Variants in C4BPA observed in about 807,000 individuals in gnomAD.
The protein encoded by C4BPA is complement component 4 binding protein alpha.
A neutral mutation model predicts 63.7 loss-of-function variants in C4BPA; 31 were observed. The observed-to-expected ratio is 0.49, with a 90% CI of 0.37 to 0.66. The LOEUF (loss-of-function observed/expected upper bound fraction) is 0.66, where lower values mean the gene tolerates loss of function less well. C4BPA is among the 30% of genes least tolerant of loss of function. The pLI, the probability that C4BPA is intolerant of heterozygous loss-of-function variation, is 0.00. For synonymous variants in C4BPA, 259 were observed against 254.7 expected, an observed-to-expected ratio of 1.02 and a Z score of -0.16; for missense variants, 572 against 723.3, an observed-to-expected ratio of 0.79 and a Z score of 2.40.
At chr1:207,113,758 T>G (rs1357451735) in intron 2 of C4BPA, among the ~76,000 whole-genome samples, 1 of 152,240 alleles carries the variant, frequency 6.6e-6, no homozygotes, top group Non-Finnish European at 1.5e-5. Context: ...TTTGCACAGA[T>G]GCATTTGAGT....
intron 10 of C4BPA, among the ~76,000 whole-genome samples, chr1:207,143,142 A>G (rs1248625129): frequency 6.6e-6 from 1 of 152,230 alleles, no homozygotes; most frequent in Admixed American, 6.5e-5. Flanking sequence ...ACACCATGGA[A>G]TACTGTGCAG....
intron 7 of C4BPA, among the ~76,000 whole-genome samples, chr1:207,128,647 G>A (rs1338695512): frequency 6.6e-6 from 1 of 152,190 alleles, no homozygotes; most frequent in East Asian, 1.9e-4. Flanking sequence ...AGTTATCTCT[G>A]GCAGTTAAAA....
intron 1 of C4BPA, among the ~76,000 whole-genome samples, chr1:207,107,369 G>T (rs983964014): frequency 1.3e-5 from 2 of 152,162 alleles, no homozygotes; most frequent in African/African-American, 4.8e-5. Flanking sequence ...GCAACATAGT[G>T]AGACCCCTGT....
rs1445159644 is a variant in C4BPA at position 207,115,480 on chromosome 1, T to G, written c.393T>G (p.Ser131=). The G allele has an allele frequency of 6.3e-7, 1 of 1,596,474 alleles. No individual in the cohort carries two copies. The highest frequency in any genetic ancestry group is 1.8e-5 in the Admixed American group (1 of 55,764). ...AAGTAGAGATTAAGACAGATTTATC[T>G]TTTGGATCACAAATAGAATTCAGCT... The part of the protein sequence containing the change: ...NGQVEIKTDL[S]FGSQIEFSCS... The change falls in exon 4 of 12, where the codon TCT becomes TCG. Residue 131 remains serine, a synonymous_variant. Coordinates refer to ENST00000367070, the MANE Select transcript of C4BPA (RefSeq NM_000715.4).
At chr1:207,138,891 G>A in intron 9 of C4BPA, among the ~76,000 whole-genome samples, 1 of 152,200 alleles carries the variant, frequency 6.6e-6, no homozygotes, top group East Asian at 1.9e-4. Context: ...TTGTATTGAT[G>A]TGGCAAACAC....
intron 10 of C4BPA, 64 bp downstream of exon 10, chr1:207,141,340 G>A: frequency 7.8e-7 from 1 of 1,286,436 alleles, no homozygotes; most frequent in Non-Finnish European, 1.1e-6. Flanking sequence ...AGCACTGAGA[G>A]CTAAGTTTCT....
intron 7 of C4BPA, among the ~76,000 whole-genome samples, chr1:207,127,692 C>T (rs1685075944): frequency 6.6e-6 from 1 of 152,128 alleles, no homozygotes; most frequent in South Asian, 2.1e-4. Flanking sequence ...GCAAAGAAAA[C>T]CATTCAAAGT....
intron 4 of C4BPA, among the ~76,000 whole-genome samples, chr1:207,121,088 A>C (rs951051448): frequency 6.6e-6 from 1 of 152,226 alleles, no homozygotes; most frequent in African/African-American, 2.4e-5. Context: ...GATTACAGGC[A>C]TGAGCCACTG....
chr1:207,119,834 CAGA>C lies in C4BPA; in HGVS notation c.429-4087_429-4085del, dbSNP rs1346220237. Among the ~76,000 whole-genome samples the C allele has an allele frequency of 4.8e-4, 14 of 29,110 alleles. 2 individuals are homozygous for C. Among genetic ancestry groups the C allele is most frequent in the Non-Finnish European group, 1.3e-3 (10 of 7,906 alleles). 19.1% of individuals were successfully genotyped at this position (29,110 alleles called of 152,430 possible). On this transcript the variant is annotated intron_variant, in intron 4 of 11. Coordinates refer to ENST00000367070, the MANE Select transcript of C4BPA (RefSeq NM_000715.4). ...TATGCAACTGGTCATGTGGTTGTAG[CAGA>C]TATTTATAACGATGTTTCTGTTACT...
rs543694857 is a variant in C4BPA, at chr1:207,108,905, T to C, written c.-25-4096T>C. On this transcript the variant is annotated intron_variant, in intron 1 of 11. Transcript: ENST00000367070. ...ACCCAGCTAATTTTTGTATTTTTAGTAGAGACGGGGTTTCACCATGTTAGT... is the reference window on the plus strand; with the variant it reads ...ACCCAGCTAATTTTTGTATTTTTAGCAGAGACGGGGTTTCACCATGTTAGT... Among the ~76,000 whole-genome samples, 3 of 152,192 alleles carry C rather than the reference T, an allele frequency of 2.0e-5. No homozygotes were observed. In the South Asian group the frequency reaches 6.2e-4, roughly 32 times the overall value.
At chr1:207,118,575 G>T (rs1040294078) in intron 4 of C4BPA, among the ~76,000 whole-genome samples, 5 of 152,126 alleles carry the variant, frequency 3.3e-5, no homozygotes, top group Non-Finnish European at 5.9e-5. Flanking sequence ...TAGCATTGGG[G>T]TAACTGCCCC....
intron 11 of C4BPA, 76 bp downstream of exon 11, chr1:207,144,069 C>A: frequency 2.0e-6 from 2 of 1,025,412 alleles, no homozygotes; most frequent in Non-Finnish European, 2.8e-6. Flanking sequence ...CTCTGTACCA[C>A]TCAACAATGG....
chr1:207,116,958 C>G (rs563484713), intron 4 of C4BPA, among the ~76,000 whole-genome samples: 1 of 152,012 alleles, frequency 6.6e-6, no homozygotes, highest in East Asian at 1.9e-4. Flanking sequence ...ATTCAATGCC[C>G]GTATTTTTCC....
At position 207,144,769 on chromosome 1, in the gene C4BPA, T is replaced by C. The variant is rs1375018614; in HGVS notation, c.*52T>C. The C allele has an allele frequency of 7.9e-7, 1 of 1,271,256 alleles. No individual in the cohort carries two copies. Among genetic ancestry groups the C allele is most frequent in the African/African-American group, 1.5e-5 (1 of 66,834 alleles). The allele number at this position is 1,271,256 out of a possible 1,614,324, so 78.7% of individuals were successfully genotyped here. ...TGTCTTGCTGGCTTGCCTCTTGCAA[T>C]TCAATACAGATCAGTTTAGCAAATC... is the stretch of plus-strand genomic sequence containing the variant. On this transcript the variant is annotated 3_prime_UTR_variant, in exon 12 of 12. Transcript: ENST00000367070.
chr1:207,137,902 A>AC (rs1236495261), intron 9 of C4BPA, among the ~76,000 whole-genome samples: 1 of 152,142 alleles, frequency 6.6e-6, no homozygotes, highest in African/African-American at 2.4e-5. Flanking sequence ...ACAGGCATGA[A>AC]CCACCGCACT....
chr1:207,144,052 C>A, intron 11 of C4BPA, 59 bp downstream of exon 11: 2 of 1,303,576 alleles, frequency 1.5e-6, no homozygotes, highest in South Asian at 1.4e-5. Flanking sequence ...GGTGGCATCC[C>A]CCAGAGCTCT....
intron 5 of C4BPA, 66 bp downstream of exon 5, chr1:207,124,073 A>G (rs1292236174): frequency 4.4e-5 from 65 of 1,485,190 alleles, no homozygotes; most frequent in Non-Finnish European, 5.9e-5. Flanking sequence ...GTCCCTGTGC[A>G]TCTTTACAGG....
intron 7 of C4BPA, chr1:207,127,528 T>C (rs1685071677): frequency 6.6e-6 from 1 of 152,196 alleles, no homozygotes; most frequent in Non-Finnish European, 1.5e-5. Context: ...CTCAAGGTTA[T>C]ACAACTGGTA....
intron 4 of C4BPA, among the ~76,000 whole-genome samples, chr1:207,116,282 A>C (rs76724744): frequency 0.11 from 16,733 of 152,112 alleles, 1,036 homozygotes; most frequent in South Asian, 0.15. Flanking sequence ...TCTTATTGTC[A>C]GGGAGGTTAA....
Sources: allele counts gnomAD v4.1 joint callset (sites outside exome capture counted in the v4.1 genomes callset), GRCh38; gene constraint gnomAD v4.1.1; transcripts MANE v1.5; gene names NCBI Gene and HGNC (gene_info 2026-07-23, HGNC 2026-07-21).